The following MCCC2 variants were observed in gnomAD, a reference collection of about 807,000 sequenced individuals.
The protein encoded by MCCC2 is methylcrotonyl-CoA carboxylase subunit 2, also known as methylcrotonoyl-CoA carboxylase beta chain, mitochondrial.
Under a neutral mutation model 77.2 loss-of-function variants are expected in MCCC2, and 52 were observed. The ratio of observed to expected loss-of-function variants is 0.67; its 90% CI spans 0.54 to 0.85. The LOEUF (loss-of-function observed/expected upper bound fraction) is 0.85. Among genes scored for constraint, MCCC2 ranks in the 40% least tolerant of loss-of-function variants. The pLI is 0.00. For synonymous variants in MCCC2, 253 were observed against 248.4 expected, an observed-to-expected ratio of 1.02 and a Z score of -0.18; for missense variants, 682 against 703.2, an observed-to-expected ratio of 0.97 and a Z score of 0.34.
intron 6 of MCCC2, among the ~76,000 whole-genome samples, chr5:71,625,688 A>G (rs1411045348): frequency 6.6e-6 from 1 of 152,222 alleles, no homozygotes; most frequent in Non-Finnish European, 1.5e-5. Flanking sequence ...ATAAATGTTG[A>G]AGCCACTTTC....
intron 8 of MCCC2, among the ~76,000 whole-genome samples, chr5:71,633,132 T>TATATA (rs1561841495): frequency 8.9e-5 from 8 of 89,614 alleles, no homozygotes; most frequent in African/African-American, 3.0e-4. Flanking sequence ...TATATATATA[T>TATATA]TTTTATTTTT....
At position 71,650,082 on chromosome 5, in the gene MCCC2, T is replaced by C. The variant is rs1747391008; in HGVS notation, c.1387T>C (p.Tyr463His). ...CGRAYSPRFL[Y>H]IWPNARISVM... Reference sequence around the variant, plus strand: ...TTCTTCCCCCAGCCCAAGATTTCTCTACATTTGGCCAAATGCTCGTATCTC... The same window carrying C: ...TTCTTCCCCCAGCCCAAGATTTCTCCACATTTGGCCAAATGCTCGTATCTC... Residue 463 changes from tyrosine to histidine, a missense_variant, in exon 15 of 17, where the codon TAC becomes CAC. Physicochemically the swap from Tyr to His is moderately conservative, Grantham distance 83. Transcript: ENST00000340941. The C allele has an allele frequency of 6.2e-7, 1 of 1,613,964 alleles. No individual in the cohort carries two copies. The highest frequency in any genetic ancestry group is 1.1e-5 in the South Asian group (1 of 91,084).
At position 71,602,572 on chromosome 5, in the gene MCCC2, G is replaced by C. The variant is rs151098534; in HGVS notation, c.450G>C (p.Val150=). The change falls in exon 5 of 17, where the codon GTG becomes GTC. Residue 150 remains valine, a synonymous_variant. Transcript: ENST00000340941. ...GAGGTGCCTACTACCCAGTGACTGT[G>C]AAAAAACAATTACGGGCCCAAGAAA... ...VKGGAYYPVT[V]KKQLRAQEIA... The C allele has an allele frequency of 2.1e-4, 338 of 1,614,142 alleles. 1 individual carries two copies. The African/African-American group carries it at 4.2e-3, about 20-fold the overall frequency.
intron 6 of MCCC2, among the ~76,000 whole-genome samples, chr5:71,610,523 G>T (rs566004570): frequency 6.6e-6 from 1 of 152,114 alleles, no homozygotes; most frequent in African/African-American, 2.4e-5. Flanking sequence ...GAAATCACCC[G>T]TCTTCTGCGT....
intron 6 of MCCC2, among the ~76,000 whole-genome samples, chr5:71,622,842 C>T (rs1021137778): frequency 6.6e-6 from 1 of 152,162 alleles, no homozygotes; most frequent in East Asian, 1.9e-4. Flanking sequence ...CGCGGTGGCT[C>T]ACGCCTGTAA....
At chr5:71,646,809 A>G (rs1017211659) in intron 13 of MCCC2, among the ~76,000 whole-genome samples, 1 of 152,186 alleles carries the variant, frequency 6.6e-6, no homozygotes. Context: ...CACTGCAGAG[A>G]GCATCATGCT....
At chr5:71,644,655 G>A (rs1747230133) in intron 12 of MCCC2, among the ~76,000 whole-genome samples, 1 of 151,920 alleles carries the variant, frequency 6.6e-6, no homozygotes. Flanking sequence ...ACTACTTCAG[G>A]AAATAAAATG....
In MCCC2 at chr5:71,632,109, T is replaced by C; in HGVS notation, c.739-12T>C. The C allele has an allele frequency of 6.2e-7, 1 of 1,613,842 alleles. No individual in the cohort carries two copies. The highest frequency in any genetic ancestry group is 8.5e-7 in the Non-Finnish European group (1 of 1,179,684). On this transcript the variant is annotated splice_polypyrimidine_tract_variant and intron_variant, in intron 7 of 16. Coordinates refer to ENST00000340941, the MANE Select transcript of MCCC2 (RefSeq NM_022132.5). ...GGACCGATTTCACTGATGATTTTTATCCTTGTTGTAGGTTAAAGCGGCAAC... is the reference window on the plus strand; with the variant it reads ...GGACCGATTTCACTGATGATTTTTACCCTTGTTGTAGGTTAAAGCGGCAAC...
At chr5:71,596,717 G>A (rs1041378055) in intron 3 of MCCC2, among the ~76,000 whole-genome samples, 4 of 152,050 alleles carry the variant, frequency 2.6e-5, no homozygotes, top group Admixed American at 6.6e-5. Context: ...CGAGGTGGGC[G>A]GATCATGAAG....
At chr5:71,596,990 T>C (rs576278004) in intron 3 of MCCC2, among the ~76,000 whole-genome samples, 25 of 151,494 alleles carry the variant, frequency 1.7e-4, no homozygotes, top group African/African-American at 5.6e-4. Flanking sequence ...GTGACAAATG[T>C]CATGAGAAAA....
chr5:71,651,216 C>G (rs1747428961), intron 15 of MCCC2, among the ~76,000 whole-genome samples: 1 of 152,112 alleles, frequency 6.6e-6, no homozygotes, highest in East Asian at 1.9e-4. Context: ...GAATTTTGTT[C>G]TTTCTATTTT....
intron 6 of MCCC2, among the ~76,000 whole-genome samples, chr5:71,613,799 G>A (rs549260104): frequency 2.0e-5 from 3 of 151,986 alleles, no homozygotes; most frequent in African/African-American, 7.2e-5. Flanking sequence ...GTAAGTACTA[G>A]TGTTTTCAGT....
At chr5:71,620,546 A>T (rs1746316991) in intron 6 of MCCC2, among the ~76,000 whole-genome samples, 1 of 152,144 alleles carries the variant, frequency 6.6e-6, no homozygotes, top group Admixed American at 6.5e-5. Context: ...AGAATTAGAT[A>T]AAAAATCTCT....
At chr5:71,612,029 C>T (rs1745973016) in intron 6 of MCCC2, among the ~76,000 whole-genome samples, 1 of 151,764 alleles carries the variant, frequency 6.6e-6, no homozygotes, top group African/African-American at 2.4e-5. Context: ...ACCTCGTGAT[C>T]TGCCGACCTC....
intron 3 of MCCC2, among the ~76,000 whole-genome samples, chr5:71,598,590 C>G (rs910700618): frequency 6.6e-6 from 1 of 150,616 alleles, no homozygotes; most frequent in African/African-American, 2.4e-5. Flanking sequence ...CAGGCACGTG[C>G]CTCCACGCCT....
intron 6 of MCCC2, among the ~76,000 whole-genome samples, chr5:71,617,707 G>A (rs1746213430): frequency 2.0e-5 from 3 of 152,140 alleles, no homozygotes; most frequent in African/African-American, 4.8e-5. Context: ...TCGATAGTAA[G>A]CACCAGCTTC....
At chr5:71,655,249 T>A (rs1055022637) in intron 16 of MCCC2, among the ~76,000 whole-genome samples, 5 of 152,212 alleles carry the variant, frequency 3.3e-5, no homozygotes, top group Non-Finnish European at 5.9e-5. Flanking sequence ...TTGGGTTTAG[T>A]AAATCTCAGC....
At chr5:71,637,836 C>T (rs375162185) in intron 10 of MCCC2, among the ~76,000 whole-genome samples, 1 of 152,262 alleles carries the variant, frequency 6.6e-6, no homozygotes, top group East Asian at 1.9e-4. Context: ...CTCCTGCCTC[C>T]TGAGTAGCAG....
At chr5:71,641,447 C>G (rs1233898956) in intron 11 of MCCC2, 1 of 279,786 alleles carries the variant, frequency 3.6e-6, no homozygotes, top group Non-Finnish European at 6.8e-6. Flanking sequence ...TCTTTACTGT[C>G]CAATTCAACG....
Sources: allele counts gnomAD v4.1 joint callset (sites outside exome capture counted in the v4.1 genomes callset), GRCh38; gene constraint gnomAD v4.1.1; transcripts MANE v1.5; gene names NCBI Gene and HGNC (gene_info 2026-07-23, HGNC 2026-07-21).